POLE: variants seen among roughly 807,000 people sequenced by gnomAD.
POLE encodes the protein DNA polymerase epsilon, catalytic subunit.
Under a neutral mutation model 279.2 loss-of-function variants are expected in POLE, and 188 were observed. The observed-to-expected ratio is 0.67, with a 90% CI of 0.60 to 0.76. The LOEUF is 0.76. Ranked by LOEUF, POLE falls within the 30% of genes least tolerant of loss-of-function variation. The probability of loss-of-function intolerance (pLI) is 0.00; values close to 1 mark genes in which losing one functional copy is unlikely to be tolerated. For synonymous variants in POLE, 1,214 were observed against 1,172.5 expected (o/e 1.04, Z -0.72); for missense variants, 2,703 against 3,016.7 (o/e 0.90, Z 2.44).
rs950958317 is a variant in POLE at position 132,634,666 on chromosome 12, A to G, written c.5812-288T>C. Among the ~76,000 whole-genome samples, 3 of 151,918 alleles carry G rather than the reference A, an allele frequency of 2.0e-5. No homozygotes were observed. Among genetic ancestry groups the G allele is most frequent in the Non-Finnish European group, 4.4e-5 (3 of 67,958 alleles). Reference sequence around the variant, plus strand: ...TTTAATTGTTGAACTCCCACCCCCCAAGGACGAAAGAACCAGCCAGAGCTT... The same window carrying G: ...TTTAATTGTTGAACTCCCACCCCCCGAGGACGAAAGAACCAGCCAGAGCTT... On this transcript the variant is annotated intron_variant, in intron 42 of 48. Transcript: ENST00000320574. This position sits in a 1 kb window ranked among gnomAD's most constrained non-coding sequence, Gnocchi z 4.0.
At chr12:132,657,312 T>C (rs1464568833) in intron 28 of POLE, 37 bp downstream of exon 28, 3 of 1,614,100 alleles carry the variant, frequency 1.9e-6, no homozygotes, top group Non-Finnish European at 2.5e-6. Flanking sequence ...TGCACAGTTT[T>C]TAGCCCCACA....
At chr12:132,686,657 C>T (rs2043275916) in intron 1 of POLE, among the ~76,000 whole-genome samples, 1 of 152,066 alleles carries the variant, frequency 6.6e-6, no homozygotes, top group Non-Finnish European at 1.5e-5. Flanking sequence ...ATCGCTTGAA[C>T]CCGGGAAGCA....
intron 12 of POLE, among the ~76,000 whole-genome samples, chr12:132,674,343 C>T (rs1382574968): frequency 1.3e-5 from 2 of 151,964 alleles, no homozygotes; most frequent in African/African-American, 4.8e-5. Flanking sequence ...TTACCTCTTG[C>T]CTTCAGTTCA....
At position 132,634,180 on chromosome 12, in the gene POLE, G is replaced by A; in HGVS notation, c.6004+6C>T. ...GGGGCTGCGCAGCCCTGGGCTCTGG[G>A]CTTACCTGAAACAATCATGAGGAAG... On this transcript the variant is annotated splice_donor_region_variant and intron_variant, in intron 43 of 48. Coordinates refer to ENST00000320574, the MANE Select transcript of POLE (RefSeq NM_006231.4). The surrounding 1 kb of genome is among the most constrained non-coding windows in gnomAD (Gnocchi z 4.0). 1 of 1,608,242 alleles carries A rather than the reference G, an allele frequency of 6.2e-7. No individual in the cohort carries two copies. The highest frequency in any genetic ancestry group is 8.5e-7 in the Non-Finnish European group (1 of 1,176,740).
In POLE at chr12:132,675,486, C is replaced by A. The variant is rs199746481; in HGVS notation, c.1138G>T (p.Gly380Cys). 2.5e-5 allele frequency: 40 copies of A among 1,613,988 alleles called. No homozygotes were observed. Among genetic ancestry groups the A allele is most frequent in the African/African-American group, 4.0e-5 (3 of 74,892 alleles). ...CCTATCTCCTGCTGCATGCTCAGACCGTGGACTGCTGCCCGGGCCTCCACA... is the reference window on the plus strand; with the variant it reads ...CCTATCTCCTGCTGCATGCTCAGACAGTGGACTGCTGCCCGGGCCTCCACA... ...PFVEARAAVH[G>C]LSMQQEIGFQ... is the part of the protein sequence containing the mutation. Residue 380 changes from glycine (G) to cysteine (C), a missense_variant, in exon 12 of 49, where the codon GGT becomes TGT. By Grantham distance (159) the Gly-to-Cys change is radical. Around this residue, in one of 5 missense-constraint regions of POLE, gnomAD observed 1,011 missense variants for 1,111.7 expected, o/e 0.91. Transcript: ENST00000320574. This position sits in a 1 kb window ranked among gnomAD's most constrained non-coding sequence, Gnocchi z 4.3.
In POLE at chr12:132,667,530, C is replaced by T. The variant is rs1555227097; in HGVS notation, c.2292G>A (p.Arg764=). 1.2e-6 allele frequency: 2 copies of T among 1,614,216 alleles called. No individual in the cohort carries two copies. The highest frequency in any genetic ancestry group is 1.7e-6 in the Non-Finnish European group (2 of 1,180,028). Reference sequence around the variant, plus strand: ...TGTGGAGCCCTTTGAACTCGTAACGCCTGTCCCGGAAGGCACGCACGGTGT... The same window carrying T: ...TGTGGAGCCCTTTGAACTCGTAACGTCTGTCCCGGAAGGCACGCACGGTGT... ...YVDTVRAFRD[R]RYEFKGLHKV... is the part of the protein sequence containing the mutation. Residue 764 remains arginine (R), a synonymous_variant, in exon 20 of 49, where the codon AGG becomes AGA. Transcript: ENST00000320574.
At chr12:132,667,434 G>C (rs1565964405) in intron 20 of POLE, 69 bp downstream of exon 20, 2 of 1,523,910 alleles carry the variant, frequency 1.3e-6, no homozygotes, top group Admixed American at 3.4e-5. Context: ...GGAGCCAAGA[G>C]TGCCCACTTC....
At chr12:132,657,840 A>T (rs996347779) in intron 27 of POLE, 28 bp downstream of exon 27, 1 of 1,445,520 alleles carries the variant, frequency 6.9e-7, no homozygotes, top group Non-Finnish European at 9.7e-7. Context: ...GTAAACTTTT[A>T]AGAGTAGAGA....
At chr12:132,647,374 G>C (rs997497252) in intron 32 of POLE, among the ~76,000 whole-genome samples, 2 of 147,970 alleles carry the variant, frequency 1.4e-5, no homozygotes, top group African/African-American at 5.0e-5. Flanking sequence ...AAAAATGAAA[G>C]GAATAAACCC....
chr12:132,680,733 A>G (rs1288884585), intron 2 of POLE, 46 bp from the exon 3 acceptor site: 1 of 1,451,186 alleles, frequency 6.9e-7, no homozygotes, highest in South Asian at 1.2e-5. Flanking sequence ...TCCTCTACAC[A>G]GTTAGAGAAA....
intron 47 of POLE, 122 bp from the exon 48 acceptor site, chr12:132,625,116 T>G: frequency 1.1e-5 from 8 of 743,390 alleles, no homozygotes; most frequent in Non-Finnish European, 1.9e-5. Flanking sequence ...GCCCCTGCTG[T>G]GTGCAGCCAG....
At chr12:132,643,144 G>A in intron 35 of POLE, 80 bp downstream of exon 35, 1 of 1,510,364 alleles carries the variant, frequency 6.6e-7, no homozygotes, top group Non-Finnish European at 9.1e-7. Context: ...GACCTGGAGG[G>A]CCTGGGCACC....
At chr12:132,635,749 C>T (rs1593714889) in intron 42 of POLE, 143 bp downstream of exon 42, 2 of 777,482 alleles carry the variant, frequency 2.6e-6, no homozygotes. Flanking sequence ...CATGGTCCCT[C>T]CCCGTGTTCA....
intron 45 of POLE, among the ~76,000 whole-genome samples, chr12:132,628,159 T>G (rs576145612): frequency 6.6e-6 from 1 of 151,762 alleles, no homozygotes; most frequent in Non-Finnish European, 1.5e-5. Flanking sequence ...CTGGCTAACA[T>G]GGTGAAACCC....
Position 132,634,078 on chromosome 12 carries a change from A to C in POLE, c.6004+108T>G, listed in dbSNP as rs1340855923. 2.9e-6 allele frequency: 3 copies of C among 1,044,052 alleles called. No homozygotes were observed. The highest frequency in any genetic ancestry group is 4.2e-6 in the Non-Finnish European group (3 of 706,642). The allele number at this position is 1,044,052 out of a possible 1,614,324, so 64.7% of individuals were successfully genotyped here. On this transcript the variant is annotated intron_variant, in intron 43 of 48. Transcript: ENST00000320574. This position sits in a 1 kb window ranked among gnomAD's most constrained non-coding sequence, Gnocchi z 4.0. ...CCAACTGCTGGGCAGGCTCCGCCCG[A>C]TCTGATTTTCCCTGTCTCCCTTCTT...
At chr12:132,682,721 G>A (rs1456687969) in intron 1 of POLE, among the ~76,000 whole-genome samples, 1 of 152,066 alleles carries the variant, frequency 6.6e-6, no homozygotes, top group Non-Finnish European at 1.5e-5. Flanking sequence ...GGAGGCCAAG[G>A]AGGGTGGATG....
intron 12 of POLE, 126 bp from the exon 13 acceptor site, chr12:132,673,833 C>T: frequency 9.7e-7 from 1 of 1,029,242 alleles, no homozygotes; most frequent in Non-Finnish European, 1.5e-6. Context: ...AGGAGCCTCA[C>T]ACCAAGGCCC....
intron 1 of POLE, among the ~76,000 whole-genome samples, chr12:132,682,309 T>A (rs200614214): frequency 0.012 from 1,473 of 119,190 alleles, 20 homozygotes; most frequent in African/African-American, 0.021. Context: ...AAAAAATAAA[T>A]AAAAATAAAT....
chr12:132,657,927 T>C lies in POLE; in HGVS notation c.3319A>G (p.Lys1107Glu), dbSNP rs772795963. Residue 1107 changes from lysine to glutamate, a missense_variant, in exon 27 of 49, where the codon AAG (lysine) becomes GAG (glutamate). By Grantham distance (56) the Lys-to-Glu change is moderately conservative. Around this residue, in one of 5 missense-constraint regions of POLE, gnomAD observed 1,551 missense variants for 1,686.1 expected, o/e 0.92. Transcript: ENST00000320574. ...AIFQAEPTVR[K>E]HFLRKWLKSS... ...TTGAGCCATTTCCGGAGAAAGTGCT[T>C]CCTCACCGTGGGCTCTGCTTGGAAA... The C allele has an allele frequency of 6.2e-7, 1 of 1,614,158 alleles. No homozygotes were observed. The highest frequency in any genetic ancestry group is 8.5e-7 in the Non-Finnish European group (1 of 1,179,986).
Sources: allele counts gnomAD v4.1 joint callset (sites outside exome capture counted in the v4.1 genomes callset), GRCh38; gene constraint gnomAD v4.1.1; regional missense constraint gnomAD v4.1.1; non-coding constraint Gnocchi (gnomAD v3.1); transcripts MANE v1.5; gene names NCBI Gene and HGNC (gene_info 2026-07-23, HGNC 2026-07-21).